Variants in PCBP2 observed in about 807,000 individuals in gnomAD.
PCBP2 encodes the protein poly(rC) binding protein 2, also known as poly(rC)-binding protein 2.
PCBP2 carries 4 observed loss-of-function variants against 50.1 expected under a neutral mutation model. That is an observed-to-expected ratio of 0.08 (90% confidence interval 0.04 to 0.18). The LOEUF (loss-of-function observed/expected upper bound fraction) is 0.18, where lower values mean the gene tolerates loss of function less well. Among genes scored for constraint, PCBP2 ranks in the 10% least tolerant of loss-of-function variants. The pLI, the probability that PCBP2 is intolerant of heterozygous loss-of-function variation, is 1.00. For synonymous variants in PCBP2, 179 were observed against 168.0 expected (o/e 1.07, Z -0.51); for missense variants, 161 against 474.3 (o/e 0.34, Z 6.14).
intron 8 of PCBP2, among the ~76,000 whole-genome samples, chr12:53,463,814 T>C (rs560995414): frequency 6.6e-6 from 1 of 152,346 alleles, no homozygotes; most frequent in South Asian, 2.1e-4. Context: ...CATATTTAGT[T>C]AACTAGTTCC....
At chr12:53,471,954 C>A in intron 14 of PCBP2, 147 bp downstream of exon 14, 1 of 505,396 alleles carries the variant, frequency 2.0e-6, no homozygotes, top group Non-Finnish European at 3.1e-6. Flanking sequence ...GCTCTACTTT[C>A]TTAGAGTGTA....
chr12:53,457,720 C>T (rs770567797), intron 5 of PCBP2, among the ~76,000 whole-genome samples: 5 of 152,022 alleles, frequency 3.3e-5, no homozygotes, highest in Non-Finnish European at 7.4e-5. Context: ...AAGGAATAAA[C>T]ATGTCCTTGT....
In PCBP2 at chr12:53,455,580, G is replaced by A. The variant is rs766784785; in HGVS notation, c.126+87G>A. On this transcript the variant is annotated intron_variant, in intron 4 of 14. Coordinates refer to ENST00000546463, the MANE Select transcript of PCBP2 (RefSeq NM_031989.5). ...AAATTCTTTTTCAGAAATTAGGAAG[G>A]TCTCAATAAGGGAAATATGTATTTT... 31 of 1,329,974 alleles carry A rather than the reference G, an allele frequency of 2.3e-5. No homozygotes were observed. In the Admixed American group the frequency reaches 2.7e-4, roughly 12 times the overall value. 82.4% of individuals were successfully genotyped at this position (1,329,974 alleles called of 1,614,324 possible).
At position 53,473,641 on chromosome 12, in the gene PCBP2, A is replaced by G. The variant is rs190624650; in HGVS notation, c.1052+1834A>G. Among the ~76,000 whole-genome samples, 4 of 152,332 alleles carry G rather than the reference A, an allele frequency of 2.6e-5. No homozygotes were observed. In the East Asian group the frequency reaches 5.8e-4, roughly 22 times the overall value. On this transcript the variant is annotated intron_variant, in intron 14 of 14. Coordinates refer to ENST00000546463, the MANE Select transcript of PCBP2 (RefSeq NM_031989.5). ...CATTGTTACTGAATAGCAATTCGGT[A>G]TCTTAGCCATGGATTAGGGTCAAAA... is the stretch of plus-strand genomic sequence containing the variant.
At chr12:53,463,682 T>C (rs1226917384) in intron 8 of PCBP2, among the ~76,000 whole-genome samples, 1 of 152,194 alleles carries the variant, frequency 6.6e-6, no homozygotes, top group Non-Finnish European at 1.5e-5. Flanking sequence ...ACCAATAACG[T>C]AGGGACACCT....
rs1170637240 is a variant in PCBP2, at chr12:53,458,118, G to A, written c.244-1154G>A. ...TAATTTTTGTATTTTTAGTAGAGAC[G>A]GGGCTTCACCATGTTGGCCAGGCTG... On this transcript the variant is annotated intron_variant, in intron 5 of 14. Coordinates refer to ENST00000546463, the MANE Select transcript of PCBP2 (RefSeq NM_031989.5). Among the ~76,000 whole-genome samples, 8 of 151,672 alleles carry A rather than the reference G, an allele frequency of 5.3e-5. No homozygotes were observed. In the East Asian group the frequency reaches 5.8e-4, roughly 11 times the overall value.
At chr12:53,457,786 G>A (rs1941144503) in intron 5 of PCBP2, among the ~76,000 whole-genome samples, 1 of 152,152 alleles carries the variant, frequency 6.6e-6, no homozygotes, top group Non-Finnish European at 1.5e-5. Context: ...TCAGCCTAGA[G>A]ATTAGGCTAA....
chr12:53,452,822 G>GT (rs1175645631), intron 1 of PCBP2: 1 of 151,880 alleles, frequency 6.6e-6, no homozygotes, highest in African/African-American at 2.4e-5. Flanking sequence ...CGACCGAACC[G>GT]TTTATTTTTT....
intron 11 of PCBP2, 47 bp downstream of exon 11, chr12:53,467,340 G>C: frequency 1.4e-6 from 2 of 1,436,204 alleles, no homozygotes; most frequent in Non-Finnish European, 2.0e-6. Context: ...GTGCAAGAGA[G>C]AGGCCAGTCC....
chr12:53,468,480 T>C, intron 12 of PCBP2: 1 of 407,778 alleles, frequency 2.5e-6, no homozygotes, highest in Non-Finnish European at 4.4e-6. Flanking sequence ...ACATTGGTCC[T>C]TTTTGAGGAT....
chr12:53,479,672 T>TTTTTTTTTTTTTTTGG lies in PCBP2; in HGVS notation c.*241_*242insTTTGGTTTTTTTTTTT, dbSNP rs1555209672. 7.3e-3 allele frequency: 2,073 copies of TTTTTTTTTTTTTTTGG among 284,746 alleles called. 8 individuals carry two copies. The highest frequency in any genetic ancestry group is 0.022 in the South Asian group (177 of 8,230). The allele number at this position is 284,746 out of a possible 1,614,324, so 17.6% of individuals were successfully genotyped here. A position where few individuals can be genotyped will look rare whatever the true frequency, so the allele number is the denominator to read the frequency against. On this transcript the variant is annotated 3_prime_UTR_variant, in exon 15 of 15. Transcript: ENST00000546463. ...TTTAGTTTTATAAGCTTCTCCCTGG[T>TTTTTTTTTTTTTTTGG]TTTTTTTTTTTGGCTCATGAATTTT...
chr12:53,458,342 G>A (rs946266601), intron 5 of PCBP2, among the ~76,000 whole-genome samples: 2 of 151,868 alleles, frequency 1.3e-5, no homozygotes, highest in African/African-American at 4.8e-5. Flanking sequence ...GTCTCATTCT[G>A]TTCCCTAGGC....
chr12:53,454,717 G>A lies in PCBP2; in HGVS notation c.-75-9G>A. On this transcript the variant is annotated splice_polypyrimidine_tract_variant and intron_variant, in intron 1 of 14. Coordinates refer to ENST00000546463, the MANE Select transcript of PCBP2 (RefSeq NM_031989.5). ...TCCTCCTCTGATTTTGGTCATGTTTGCATTTTAGTTTTTGGCTTTCACCCC... is the reference window on the plus strand; with the variant it reads ...TCCTCCTCTGATTTTGGTCATGTTTACATTTTAGTTTTTGGCTTTCACCCC... The A allele has an allele frequency of 9.9e-7, 1 of 1,014,974 alleles. No individual in the cohort carries two copies. The highest frequency in any genetic ancestry group is 1.8e-5 in the Admixed American group (1 of 55,622). 62.9% of individuals were successfully genotyped at this position (1,014,974 alleles called of 1,614,324 possible). A position where few individuals can be genotyped will look rare whatever the true frequency, so the allele number is the denominator to read the frequency against.
chr12:53,460,741 A>C (rs1941396877), intron 6 of PCBP2: 1 of 306,810 alleles, frequency 3.3e-6, no homozygotes, highest in South Asian at 3.4e-5. Flanking sequence ...ATTAGTTGAA[A>C]GGCAACTATT....
At chr12:53,457,644 C>T (rs1050821733) in intron 5 of PCBP2, among the ~76,000 whole-genome samples, 1 of 152,070 alleles carries the variant, frequency 6.6e-6, no homozygotes, top group Non-Finnish European at 1.5e-5. Context: ...CCATGCGTGG[C>T]CTTTATTTTA....
At chr12:53,464,067 TAGTC>T (rs1368618979) in intron 8 of PCBP2, among the ~76,000 whole-genome samples, 4 of 152,174 alleles carry the variant, frequency 2.6e-5, no homozygotes, top group African/African-American at 2.4e-5. Context: ...TCAGTCTAGT[TAGTC>T]AGAGTTGGGC....
Position 53,454,716 on chromosome 12 carries a change from T to G in PCBP2, c.-75-10T>G. On this transcript the variant is annotated splice_polypyrimidine_tract_variant and intron_variant, in intron 1 of 14. Coordinates refer to ENST00000546463, the MANE Select transcript of PCBP2 (RefSeq NM_031989.5). ...TTCCTCCTCTGATTTTGGTCATGTT[T>G]GCATTTTAGTTTTTGGCTTTCACCC... is the stretch of plus-strand genomic sequence containing the variant. 9.9e-7 allele frequency: 1 copy of G among 1,005,546 alleles called. No individual in the cohort carries two copies. Among genetic ancestry groups the G allele is most frequent in the South Asian group, 1.3e-5 (1 of 77,258 alleles). 62.3% of individuals were successfully genotyped at this position (1,005,546 alleles called of 1,614,324 possible). A position where few individuals can be genotyped will look rare whatever the true frequency, so the allele number is the denominator to read the frequency against.
At chr12:53,468,068 A>T in intron 12 of PCBP2, 1 of 533,140 alleles carries the variant, frequency 1.9e-6, no homozygotes, top group Non-Finnish European at 3.3e-6. Flanking sequence ...ATCAGGACTA[A>T]GCTTGAGTGT....
intron 14 of PCBP2, chr12:53,475,978 C>T (rs1028920838): frequency 3.3e-5 from 5 of 152,168 alleles, no homozygotes; most frequent in African/African-American, 1.2e-4. Context: ...GTCATACATT[C>T]AAAGAACATA....
Sources: gnomAD v4.1 joint callset for allele counts (sites outside exome capture counted in the v4.1 genomes callset) on GRCh38, gnomAD v4.1.1 for gene constraint, MANE v1.5 for transcripts, NCBI Gene and HGNC (gene_info 2026-07-23, HGNC 2026-07-21) for gene names.